The following CFAP47 variants were observed in gnomAD, a reference collection of about 807,000 sequenced individuals.
CFAP47 encodes the protein cilia and flagella associated protein 47.
In CFAP47, 29 loss-of-function variants were observed where a neutral mutation model predicts 148.1. That is an observed-to-expected ratio of 0.20 (90% CI 0.15 to 0.27). The LOEUF is 0.27. Ranked by LOEUF, CFAP47 falls within the 10% of genes least tolerant of loss-of-function variation. The probability of loss-of-function intolerance (pLI) is 1.00; values close to 1 mark genes in which losing one functional copy is unlikely to be tolerated. For missense variants in CFAP47, 1,872 were observed against 1,697.5 expected, an observed-to-expected ratio of 1.10 and a Z score of -1.81; for synonymous variants, 664 against 577.3, an observed-to-expected ratio of 1.15 and a Z score of -2.15.
chrX:36,104,918 T>A (rs1057313317), intron 33 of CFAP47, among the ~76,000 whole-genome samples: 29 of 112,181 alleles, frequency 2.6e-4, no homozygotes, highest in Non-Finnish European at 4.9e-4. Flanking sequence ...TTTTGAAGAA[T>A]AACTGATTTT....
At chrX:36,068,211 A>G (rs1297476526) in intron 27 of CFAP47, among the ~76,000 whole-genome samples, 1 of 112,052 alleles carries the variant, frequency 8.9e-6, no homozygotes, top group Non-Finnish European at 1.9e-5. Context: ...CAGTTATAGA[A>G]GATCCCTGCC....
chrX:36,379,279 C>A, intron 62 of CFAP47, 71 bp from the exon 63 acceptor site: 1 of 945,256 alleles, frequency 1.1e-6, no homozygotes, highest in Non-Finnish European at 1.5e-6. Context: ...AAATTCTACT[C>A]ATCAAGTTCT....
chrX:36,009,300 G>A (rs1937014226), intron 21 of CFAP47, among the ~76,000 whole-genome samples: 1 of 110,498 alleles, frequency 9.0e-6, no homozygotes, highest in Non-Finnish European at 1.9e-5. Flanking sequence ...ATTATAATAT[G>A]TATGATATTA....
chrX:36,018,331 C>T (rs1447575007), intron 22 of CFAP47, among the ~76,000 whole-genome samples: 1 of 111,764 alleles, frequency 8.9e-6, no homozygotes, highest in East Asian at 2.8e-4. Context: ...TCCTCCTTTC[C>T]AATTTGTATG....
At chrX:36,319,090 A>C (rs947335584) in intron 56 of CFAP47, 119 bp from the exon 57 acceptor site, 2 of 341,812 alleles carry the variant, frequency 5.9e-6, no homozygotes, top group Admixed American at 1.2e-4. Flanking sequence ...ATACTTTGAA[A>C]GATATTCATC....
intron 55 of CFAP47, 74 bp downstream of exon 55, chrX:36,306,950 C>A: frequency 2.4e-6 from 1 of 423,696 alleles, no homozygotes; most frequent in Non-Finnish European, 3.7e-6. Flanking sequence ...TATAATTCAT[C>A]ATTCACTCAA....
chrX:36,071,044 G>A (rs764918436), intron 27 of CFAP47, among the ~76,000 whole-genome samples: 2 of 112,309 alleles, frequency 1.8e-5, no homozygotes, highest in African/African-American at 6.5e-5. Context: ...GGCAGTCATG[G>A]AGCTGTAATA....
chrX:35,950,075 G>T (rs1404628990), intron 4 of CFAP47, among the ~76,000 whole-genome samples: 1 of 111,825 alleles, frequency 8.9e-6, no homozygotes, highest in East Asian at 2.8e-4. Flanking sequence ...TCTTAGAAGA[G>T]TGAGAAGGTG....
At chrX:36,339,039 C>A (rs183687771) in intron 57 of CFAP47, among the ~76,000 whole-genome samples, 2 of 112,330 alleles carry the variant, frequency 1.8e-5, no homozygotes, top group East Asian at 5.6e-4. Flanking sequence ...GATGTGTTTT[C>A]TTTAATATTT....
In CFAP47 at chrX:36,367,065, C is replaced by T; in HGVS notation, c.9123C>T (p.Asp3041=). 1 of 1,158,748 alleles carries T rather than the reference C, an allele frequency of 8.6e-7. No individual in the cohort carries two copies. The highest frequency in any genetic ancestry group is 1.2e-6 in the Non-Finnish European group (1 of 866,688). ...ATEPDTDAVI[D]IEGVGLFKES... ...AACCTGATACGGATGCTGTCATTGA[C>T]ATTGAAGGAGTTGGTTTATTTAAGG... is the stretch of plus-strand genomic sequence containing the variant. Residue 3041 remains aspartate (D), a synonymous_variant, in exon 62 of 64, where the codon GAC becomes GAT. Coordinates refer to ENST00000378653, the MANE Select transcript of CFAP47 (RefSeq NM_001304548.2).
rs1263700901 is a variant in CFAP47 at position 36,255,636 on chromosome X, A to C, written c.7444+4192A>C. ...ATTATATCCAGTAGCTATGGGAGTA[A>C]GTTCCTCATTCCTGAAAAGATATAT... On this transcript the variant is annotated intron_variant, in intron 49 of 63. Transcript: ENST00000378653. Among the ~76,000 whole-genome samples the C allele has an allele frequency of 4.5e-5, 5 of 111,208 alleles. No homozygotes were observed. The East Asian group carries it at 1.4e-3, about 32-fold the overall frequency.
intron 6 of CFAP47, among the ~76,000 whole-genome samples, chrX:35,953,216 T>G (rs777903761): frequency 1.8e-5 from 2 of 112,474 alleles, no homozygotes; most frequent in South Asian, 7.3e-4. Flanking sequence ...TGTTTTTTAT[T>G]ATGCCCAAGA....
In CFAP47 at chrX:36,339,180, C is replaced by A. The variant is rs1041488874; in HGVS notation, c.8444-8949C>A. On this transcript the variant is annotated intron_variant, in intron 57 of 63. Transcript: ENST00000378653. Reference sequence around the variant, plus strand: ...TATCTAGACAGGTCTGGGGTTGTACCTTTTCCATAACAAAACCTTGGTGTG... The same window carrying A: ...TATCTAGACAGGTCTGGGGTTGTACATTTTCCATAACAAAACCTTGGTGTG... Among the ~76,000 whole-genome samples the A allele has an allele frequency of 5.4e-5, 6 of 111,647 alleles. No individual in the cohort carries two copies. In the Admixed American group the frequency reaches 5.7e-4, roughly 11 times the overall value.
At chrX:36,146,301 A>G (rs895077890) in intron 36 of CFAP47, among the ~76,000 whole-genome samples, 1 of 111,805 alleles carries the variant, frequency 8.9e-6, no homozygotes, top group Non-Finnish European at 1.9e-5. Context: ...CCTTCATATC[A>G]CTTAATTGTT....
At chrX:36,175,952 ACTCCGTGGGCGTAGGACC>A (rs1939670523) in intron 39 of CFAP47, among the ~76,000 whole-genome samples, 1 of 112,036 alleles carries the variant, frequency 8.9e-6, no homozygotes, top group Non-Finnish European at 1.9e-5. Context: ...AATCAGCGAG[ACTCCGTGGGCGTAGGACC>A]CTCCGAGCCA....
Position 36,007,224 on chromosome X carries a change from A to T in CFAP47, c.3417+5517A>T, listed in dbSNP as rs751802252. On this transcript the variant is annotated intron_variant, in intron 21 of 63. Coordinates refer to ENST00000378653, the MANE Select transcript of CFAP47 (RefSeq NM_001304548.2). ...ACTAGCCTTGATCTGCGATTTAAGG[A>T]TATGCAGAACCTTGGGTAAACCTTT... Among the ~76,000 whole-genome samples the T allele has an allele frequency of 1.1e-3, 124 of 112,165 alleles. 1 individual carries two copies. Among genetic ancestry groups the T allele is most frequent in the Non-Finnish European group, 2.0e-3 (106 of 53,249 alleles).
chrX:36,273,213 C>T (rs945339238), intron 49 of CFAP47, among the ~76,000 whole-genome samples: 1 of 111,294 alleles, frequency 9.0e-6, no homozygotes, highest in Non-Finnish European at 1.9e-5. Context: ...AAACTTCAGG[C>T]TTTTATATGA....
intron 49 of CFAP47, among the ~76,000 whole-genome samples, chrX:36,277,217 G>C (rs1241526654): frequency 2.7e-5 from 3 of 112,496 alleles, no homozygotes; most frequent in African/African-American, 9.7e-5. Context: ...AAACATAAAA[G>C]TGATCCAATA....
intron 33 of CFAP47, among the ~76,000 whole-genome samples, chrX:36,113,848 C>A (rs769329707): frequency 2.2e-4 from 23 of 103,429 alleles, no homozygotes; most frequent in African/African-American, 8.2e-4. Flanking sequence ...CTCGCTCTGT[C>A]GCCCAGGCTG....
Sources: gnomAD v4.1 joint callset for allele counts (sites outside exome capture counted in the v4.1 genomes callset) on GRCh38, gnomAD v4.1.1 for gene constraint, MANE v1.5 for transcripts, NCBI Gene and HGNC (gene_info 2026-07-23, HGNC 2026-07-21) for gene names.